Variants in CNTN3 observed in about 807,000 individuals in gnomAD.
CNTN3 encodes contactin-3.
CNTN3 carries 60 observed loss-of-function variants against 119.1 expected under a neutral mutation model. That is an observed-to-expected ratio of 0.50 (90% CI 0.41 to 0.62). CNTN3 has a LOEUF of 0.62. CNTN3 is among the 20% of genes least tolerant of loss of function. The pLI, the probability that CNTN3 is intolerant of heterozygous loss-of-function variation, is 0.00. For synonymous variants in CNTN3, 450 were observed against 438.7 expected (o/e 1.03, Z -0.32); for missense variants, 1,101 against 1,242.4 (o/e 0.89, Z 1.71).
chr3:74,586,412 C>T (rs907322258), intron 1 of CNTN3, among the ~76,000 whole-genome samples: 6 of 152,056 alleles, frequency 3.9e-5, no homozygotes, highest in Non-Finnish European at 8.8e-5. Flanking sequence ...AGAATTAATA[C>T]GCCTTCTCTG....
At chr3:74,598,315 C>G (rs528326246) in intron 1 of CNTN3, among the ~76,000 whole-genome samples, 1 of 151,990 alleles carries the variant, frequency 6.6e-6, no homozygotes, top group African/African-American at 2.4e-5. Context: ...TCGGTTGCCC[C>G]ACCGGAGGCA....
At chr3:74,599,672 A>G (rs1347618054) in intron 1 of CNTN3, among the ~76,000 whole-genome samples, 1 of 152,064 alleles carries the variant, frequency 6.6e-6, no homozygotes, top group Non-Finnish European at 1.5e-5. Flanking sequence ...GATACAAAAA[A>G]CCATGTACAA....
intron 1 of CNTN3, among the ~76,000 whole-genome samples, chr3:74,598,853 G>T (rs1187348845): frequency 6.6e-6 from 1 of 151,962 alleles, no homozygotes; most frequent in Non-Finnish European, 1.5e-5. Context: ...AGCATTCAGA[G>T]AAATTTCGCA....
chr3:74,276,565 A>G (rs1463485952), intron 20 of CNTN3, among the ~76,000 whole-genome samples: 4 of 152,142 alleles, frequency 2.6e-5, no homozygotes, highest in South Asian at 2.1e-4. Context: ...CAAGATGGAA[A>G]TTAAAGAATT....
At chr3:74,377,902 T>G (rs1352476) in intron 5 of CNTN3, among the ~76,000 whole-genome samples, 5,617 of 152,266 alleles carry the variant, frequency 0.037, 154 homozygotes, top group East Asian at 0.083. Flanking sequence ...ATACTGACAT[T>G]CAAGTTTTTA....
intron 18 of CNTN3, among the ~76,000 whole-genome samples, chr3:74,296,357 C>T (rs1203556266): frequency 2.0e-5 from 3 of 152,050 alleles, no homozygotes; most frequent in East Asian, 3.9e-4. Flanking sequence ...AAACAGTGTC[C>T]GAAAACTCCC....
chr3:74,454,320 A>G (rs2106956884), intron 4 of CNTN3, among the ~76,000 whole-genome samples: 1 of 138,486 alleles, frequency 7.2e-6, no homozygotes, highest in Middle Eastern at 3.7e-3. Context: ...TTTATCAGAG[A>G]CTAGGATTGC....
At chr3:74,267,037 T>C (rs1701674796) in intron 21 of CNTN3, among the ~76,000 whole-genome samples, 1 of 152,118 alleles carries the variant, frequency 6.6e-6, no homozygotes, top group South Asian at 2.1e-4. Flanking sequence ...AACACACAAT[T>C]TGGAGACATT....
chr3:74,561,533 T>C (rs1468467415), intron 1 of CNTN3, among the ~76,000 whole-genome samples: 1 of 152,102 alleles, frequency 6.6e-6, no homozygotes, highest in Non-Finnish European at 1.5e-5. Flanking sequence ...AGCTCCCTCA[T>C]GCTGCAGTCT....
At chr3:74,353,717 C>T (rs1354396613) in intron 11 of CNTN3, among the ~76,000 whole-genome samples, 6 of 151,986 alleles carry the variant, frequency 3.9e-5, no homozygotes, top group Admixed American at 2.6e-4. Flanking sequence ...GATTGCGCCA[C>T]TGCACTCCAG....
chr3:74,580,171 G>T (rs1704480932), intron 1 of CNTN3, among the ~76,000 whole-genome samples: 1 of 152,110 alleles, frequency 6.6e-6, no homozygotes, highest in Non-Finnish European at 1.5e-5. Context: ...TTACTTCAAA[G>T]ACACAATTAT....
At chr3:74,499,868 G>A (rs1374438952) in intron 2 of CNTN3, 83 bp from the exon 3 acceptor site, 6 of 1,386,634 alleles carry the variant, frequency 4.3e-6, no homozygotes, top group Non-Finnish European at 5.8e-6. Flanking sequence ...AAGAAAACAA[G>A]GAACTAAAAA....
At chr3:74,346,111 T>C (rs1341743289) in intron 11 of CNTN3, among the ~76,000 whole-genome samples, 1 of 152,126 alleles carries the variant, frequency 6.6e-6, no homozygotes, top group Non-Finnish European at 1.5e-5. Context: ...ATAGAAGATA[T>C]AAAGTTATTA....
At chr3:74,346,905 C>T (rs755807647) in intron 11 of CNTN3, among the ~76,000 whole-genome samples, 1 of 152,020 alleles carries the variant, frequency 6.6e-6, no homozygotes, top group Non-Finnish European at 1.5e-5. Flanking sequence ...GAAATCTATA[C>T]AAAAATCAAT....
chr3:74,468,711 C>T (rs1248456049), intron 4 of CNTN3, among the ~76,000 whole-genome samples: 1 of 152,126 alleles, frequency 6.6e-6, no homozygotes, highest in African/African-American at 2.4e-5. Flanking sequence ...AACTGCAGTT[C>T]GACACAGGAA....
rs552174671 is a variant in CNTN3, at chr3:74,355,761, CT to C, written c.1364+6128del. Among the ~76,000 whole-genome samples the C allele has an allele frequency of 3.9e-5, 6 of 152,044 alleles. No individual in the cohort carries two copies. In the East Asian group the frequency reaches 1.2e-3, roughly 29 times the overall value. ...TGAGCCACCGCACCCTGCTGGTCCTCTTTTTTAAACAGAAATTTAATCCTGT... is the reference window on the plus strand; with the variant it reads ...TGAGCCACCGCACCCTGCTGGTCCTCTTTTTAAACAGAAATTTAATCCTGT... On this transcript the variant is annotated intron_variant, in intron 11 of 22. Transcript: ENST00000263665.
intron 19 of CNTN3, among the ~76,000 whole-genome samples, chr3:74,290,996 C>A (rs944277998): frequency 1.3e-5 from 2 of 151,844 alleles, no homozygotes; most frequent in Admixed American, 1.3e-4. Flanking sequence ...GTGTGCTGCA[C>A]CCATTAACTC....
chr3:74,598,859 T>C (rs1704858052), intron 1 of CNTN3, among the ~76,000 whole-genome samples: 1 of 152,018 alleles, frequency 6.6e-6, no homozygotes, highest in African/African-American at 2.4e-5. Context: ...CAGAGAAATT[T>C]CGCAGTTTAG....
intron 20 of CNTN3, among the ~76,000 whole-genome samples, chr3:74,271,071 C>T (rs940397313): frequency 4.6e-5 from 7 of 152,272 alleles, no homozygotes; most frequent in Admixed American, 2.6e-4. Context: ...GATTTTCAGA[C>T]TCCTCAACAT....
Sources: gnomAD v4.1 joint callset for allele counts (sites outside exome capture counted in the v4.1 genomes callset) on GRCh38, gnomAD v4.1.1 for gene constraint, MANE v1.5 for transcripts, NCBI Gene and HGNC (gene_info 2026-07-23, HGNC 2026-07-21) for gene names.